AGBL4: variants seen among roughly 807,000 people sequenced by gnomAD.
The protein encoded by AGBL4 is AGBL carboxypeptidase 4.
AGBL4 carries 58 observed loss-of-function variants against 66.4 expected under a neutral mutation model. The observed-to-expected ratio is 0.87, with a 90% confidence interval of 0.71 to 1.09. The LOEUF is 1.09. Ranked by LOEUF, AGBL4 falls within the 50% of genes least tolerant of loss-of-function variation. The pLI is 0.00. For synonymous variants in AGBL4, 234 were observed against 222.9 expected, an observed-to-expected ratio of 1.05 and a Z score of -0.44; for missense variants, 579 against 631.0, an observed-to-expected ratio of 0.92 and a Z score of 0.88.
chr1:49,178,480 A>G (rs1646871089), intron 4 of AGBL4, among the ~76,000 whole-genome samples: 1 of 152,158 alleles, frequency 6.6e-6, no homozygotes, highest in Admixed American at 6.5e-5. Flanking sequence ...CTGATCTTGT[A>G]CTTACCACGC....
chr1:49,544,095 C>G (rs1423853344), intron 3 of AGBL4, among the ~76,000 whole-genome samples: 1 of 152,138 alleles, frequency 6.6e-6, no homozygotes, highest in Non-Finnish European at 1.5e-5. Context: ...ACTCAGGTAA[C>G]CAGCCCAATA....
chr1:48,726,670 C>A (rs188328208), intron 6 of AGBL4, among the ~76,000 whole-genome samples: 1 of 152,280 alleles, frequency 6.6e-6, no homozygotes, highest in East Asian at 1.9e-4. Flanking sequence ...CTCAAAGTGG[C>A]AGCCACCTCT....
chr1:48,662,860 T>C (rs541382228), intron 7 of AGBL4, among the ~76,000 whole-genome samples: 1 of 152,040 alleles, frequency 6.6e-6, no homozygotes, highest in Non-Finnish European at 1.5e-5. Context: ...GTGTAGATGA[T>C]TCTGTATGGC....
chr1:49,541,674 C>T (rs1652041025), intron 3 of AGBL4, among the ~76,000 whole-genome samples: 1 of 152,196 alleles, frequency 6.6e-6, no homozygotes, highest in African/African-American at 2.4e-5. Flanking sequence ...CCCTGCTCCA[C>T]AGCGCCTGGT....
intron 1 of AGBL4, among the ~76,000 whole-genome samples, chr1:49,883,620 A>G (rs552344827): frequency 1.1e-4 from 17 of 152,188 alleles, no homozygotes; most frequent in African/African-American, 4.1e-4. Context: ...CAAAAAAAGG[A>G]CTTTTAGGAC....
rs1047578882 is a variant in AGBL4, at chr1:49,772,411, C to T, written c.158-74974G>A. The stretch of plus-strand genomic sequence containing the variant: ...AGAGGTTTGAAGGATTTACATAGCA[C>T]CATTACAACACTTAGGGTATTCTGA... On this transcript the variant is annotated intron_variant, in intron 2 of 13. Transcript: ENST00000371839. Among the ~76,000 whole-genome samples, 4 of 152,252 alleles carry T rather than the reference C, an allele frequency of 2.6e-5. No homozygotes were observed. In the East Asian group the frequency reaches 7.7e-4, roughly 29 times the overall value.
intron 6 of AGBL4, among the ~76,000 whole-genome samples, chr1:48,767,283 T>C (rs761256752): frequency 6.6e-6 from 1 of 152,200 alleles, no homozygotes; most frequent in Non-Finnish European, 1.5e-5. Flanking sequence ...TCCAAAGAGA[T>C]AGTGCATGTA....
intron 2 of AGBL4, among the ~76,000 whole-genome samples, chr1:49,785,221 C>T (rs1644423993): frequency 6.6e-6 from 1 of 151,948 alleles, no homozygotes; most frequent in Non-Finnish European, 1.5e-5. Flanking sequence ...GAGTACAAAG[C>T]TTCTATCTGA....
At chr1:49,352,660 A>G (rs1643935348) in intron 3 of AGBL4, among the ~76,000 whole-genome samples, 1 of 152,128 alleles carries the variant, frequency 6.6e-6, no homozygotes, top group Admixed American at 6.5e-5. Context: ...TGATACCCAT[A>G]GCACCAGGAG....
At chr1:49,797,061 T>C (rs546827962) in intron 2 of AGBL4, among the ~76,000 whole-genome samples, 34 of 152,296 alleles carry the variant, frequency 2.2e-4, no homozygotes, top group African/African-American at 8.2e-4. Flanking sequence ...TATTGTTCTT[T>C]CTAAAATTAG....
chr1:49,108,697 A>G (rs1310462543), intron 4 of AGBL4, among the ~76,000 whole-genome samples: 1 of 152,216 alleles, frequency 6.6e-6, no homozygotes, highest in Non-Finnish European at 1.5e-5. Context: ...TACAGTCAGC[A>G]GAGACAGGGG....
chr1:49,434,486 G>A (rs1645856445), intron 3 of AGBL4, among the ~76,000 whole-genome samples: 1 of 152,178 alleles, frequency 6.6e-6, no homozygotes, highest in Non-Finnish European at 1.5e-5. Context: ...AACCACCTCT[G>A]ACTTGAAAAT....
chr1:49,771,513 G>C (rs150389849), intron 2 of AGBL4, among the ~76,000 whole-genome samples: 133 of 152,164 alleles, frequency 8.7e-4, no homozygotes, highest in African/African-American at 3.1e-3. Flanking sequence ...GGTCCATTTG[G>C]TTTCTGGTGT....
chr1:49,771,127 A>G (rs928534292), intron 2 of AGBL4, among the ~76,000 whole-genome samples: 1 of 152,032 alleles, frequency 6.6e-6, no homozygotes, highest in South Asian at 2.1e-4. Context: ...TTCTTGTTGT[A>G]CGTGCTTATT....
At chr1:49,989,994 T>G (rs962350946) in intron 1 of AGBL4, among the ~76,000 whole-genome samples, 1 of 152,094 alleles carries the variant, frequency 6.6e-6, no homozygotes, top group African/African-American at 2.4e-5. Context: ...AAAAAATACT[T>G]AGTGAGTGAG....
intron 2 of AGBL4, among the ~76,000 whole-genome samples, chr1:49,751,441 G>A (rs1013975890): frequency 3.9e-5 from 6 of 152,094 alleles, no homozygotes; most frequent in Admixed American, 1.3e-4. Context: ...CGACTTGATC[G>A]TGGTGGATAA....
chr1:49,286,801 A>G (rs1644422085), intron 3 of AGBL4, among the ~76,000 whole-genome samples: 1 of 152,192 alleles, frequency 6.6e-6, no homozygotes, highest in African/African-American at 2.4e-5. Flanking sequence ...GGTAATTTAC[A>G]GATTCAATGC....
intron 5 of AGBL4, among the ~76,000 whole-genome samples, chr1:48,996,788 T>C (rs1276611364): frequency 6.6e-6 from 1 of 151,360 alleles, no homozygotes; most frequent in African/African-American, 2.4e-5. Context: ...CAGAGGAAAA[T>C]GTGGGGCCAA....
intron 11 of AGBL4, among the ~76,000 whole-genome samples, chr1:48,553,120 C>T (rs1164671861): frequency 3.9e-5 from 6 of 152,084 alleles, no homozygotes; most frequent in Non-Finnish European, 8.8e-5. Flanking sequence ...TCCCCTGCTC[C>T]TCCAATCCAG....
Sources: allele counts gnomAD v4.1 joint callset (sites outside exome capture counted in the v4.1 genomes callset), GRCh38; gene constraint gnomAD v4.1.1; transcripts MANE v1.5; gene names NCBI Gene and HGNC (gene_info 2026-07-23, HGNC 2026-07-21).